OLA1: variants seen among roughly 807,000 people sequenced by gnomAD.
OLA1 encodes obg-like ATPase 1.
OLA1 carries 14 observed loss-of-function variants against 48.4 expected under a neutral mutation model. That is an observed-to-expected ratio of 0.29 (90% CI 0.19 to 0.45). The LOEUF (loss-of-function observed/expected upper bound fraction) is 0.45. Among genes scored for constraint, OLA1 ranks in the 20% least tolerant of loss-of-function variants. The pLI is 1.00. For missense variants in OLA1, 325 were observed against 467.1 expected, an observed-to-expected ratio of 0.70 and a Z score of 2.80; for synonymous variants, 127 against 150.4, an observed-to-expected ratio of 0.84 and a Z score of 1.14.
At chr2:174,216,338 G>A (rs1039737689) in intron 4 of OLA1, among the ~76,000 whole-genome samples, 4 of 151,872 alleles carry the variant, frequency 2.6e-5, no homozygotes, top group African/African-American at 9.7e-5. Flanking sequence ...ATAACATTAT[G>A]GGACCTATAC....
chr2:174,232,776 T>C (rs1489005415), intron 2 of OLA1, among the ~76,000 whole-genome samples: 6 of 152,298 alleles, frequency 3.9e-5, no homozygotes, highest in Middle Eastern at 3.4e-3. Flanking sequence ...TAAAGTGGTA[T>C]AGACGCTACG....
At chr2:174,140,686 GTACA>G (rs901320997) in intron 5 of OLA1, among the ~76,000 whole-genome samples, 3 of 152,002 alleles carry the variant, frequency 2.0e-5, no homozygotes, top group African/African-American at 7.2e-5. Flanking sequence ...CATGGGTCTA[GTACA>G]TGGTGATGGC....
At chr2:174,142,465 C>T (rs1372833982) in intron 4 of OLA1, among the ~76,000 whole-genome samples, 4 of 152,086 alleles carry the variant, frequency 2.6e-5, no homozygotes, top group Non-Finnish European at 5.9e-5. Context: ...GATAATGAAC[C>T]ACTCAGACAC....
chr2:174,107,975 C>A (rs1349134333), intron 7 of OLA1, among the ~76,000 whole-genome samples: 4 of 152,002 alleles, frequency 2.6e-5, no homozygotes, highest in Non-Finnish European at 5.9e-5. Context: ...ATAATTTACC[C>A]CTTTATTTAG....
chr2:174,147,828 A>G (rs1574509410), intron 4 of OLA1, among the ~76,000 whole-genome samples: 1 of 147,944 alleles, frequency 6.8e-6, no homozygotes. Context: ...TTGTTTGTTT[A>G]TTTATTTATT....
chr2:174,247,622 T>C (rs951409911), intron 1 of OLA1: 5 of 1,549,558 alleles, frequency 3.2e-6, no homozygotes, highest in Admixed American at 2.0e-5. Context: ...GAATCTTATC[T>C]TTCCCATTCG....
intron 7 of OLA1, among the ~76,000 whole-genome samples, chr2:174,119,858 G>A (rs1468809495): frequency 6.6e-6 from 1 of 151,862 alleles, no homozygotes; most frequent in Non-Finnish European, 1.5e-5. Context: ...TCATCACTCA[G>A]ATTAATTGAC....
intron 4 of OLA1, among the ~76,000 whole-genome samples, chr2:174,143,576 C>T (rs1474217271): frequency 6.6e-6 from 1 of 152,098 alleles, no homozygotes; most frequent in Non-Finnish European, 1.5e-5. Flanking sequence ...AAAGACTAAC[C>T]ATAGTGATGT....
intron 4 of OLA1, among the ~76,000 whole-genome samples, chr2:174,207,271 C>G (rs1039289107): frequency 3.9e-5 from 6 of 152,140 alleles, no homozygotes; most frequent in Non-Finnish European, 7.4e-5. Flanking sequence ...ACCTTCACCT[C>G]TTTTTAACCA....
intron 5 of OLA1, among the ~76,000 whole-genome samples, chr2:174,139,607 C>G (rs1351363958): frequency 1.3e-5 from 2 of 152,244 alleles, no homozygotes; most frequent in Non-Finnish European, 2.9e-5. Flanking sequence ...TGGCTCACGC[C>G]TGTAATTCCA....
intron 4 of OLA1, among the ~76,000 whole-genome samples, chr2:174,205,039 TA>T (rs1396593644): frequency 1.2e-4 from 18 of 152,208 alleles, no homozygotes; most frequent in Non-Finnish European, 2.6e-4. Context: ...AGGTCATATC[TA>T]AAACGGTGTT....
chr2:174,200,717 T>C (rs1687973119), intron 4 of OLA1, among the ~76,000 whole-genome samples: 1 of 152,198 alleles, frequency 6.6e-6, no homozygotes, highest in South Asian at 2.1e-4. Flanking sequence ...AACCAACTCA[T>C]TATTTTAACA....
chr2:174,166,715 A>G (rs1687174351), intron 4 of OLA1, among the ~76,000 whole-genome samples: 1 of 152,202 alleles, frequency 6.6e-6, no homozygotes, highest in Non-Finnish European at 1.5e-5. Flanking sequence ...TGTCTACAAA[A>G]TTTATCTAAG....
chr2:174,093,603 G>A (rs1432547126), intron 7 of OLA1, among the ~76,000 whole-genome samples: 5 of 152,194 alleles, frequency 3.3e-5, no homozygotes, highest in African/African-American at 9.6e-5. Flanking sequence ...GTACTCGGAC[G>A]TCTGAAAATC....
intron 2 of OLA1, among the ~76,000 whole-genome samples, chr2:174,239,706 C>A: frequency 1.6e-5 from 2 of 122,414 alleles, no homozygotes; most frequent in Non-Finnish European, 1.7e-5. Flanking sequence ...AGTGAGAACC[C>A]ATCTCTACAA....
intron 4 of OLA1, among the ~76,000 whole-genome samples, chr2:174,153,608 C>T (rs1474811419): frequency 1.3e-5 from 2 of 151,908 alleles, no homozygotes; most frequent in African/African-American, 2.4e-5. Flanking sequence ...ATTAGACATC[C>T]GCACCATTAA....
At chr2:174,207,144 T>A (rs1378808336) in intron 4 of OLA1, among the ~76,000 whole-genome samples, 2 of 152,206 alleles carry the variant, frequency 1.3e-5, no homozygotes, top group Non-Finnish European at 2.9e-5. Flanking sequence ...GGGGAGCAAT[T>A]AAATGAAGGC....
At chr2:174,204,480 A>G (rs1467275489) in intron 4 of OLA1, among the ~76,000 whole-genome samples, 2 of 152,234 alleles carry the variant, frequency 1.3e-5, no homozygotes, top group Non-Finnish European at 2.9e-5. Context: ...GAAGAGAAAT[A>G]TAATCTTTGA....
At chr2:174,130,059 C>G (rs1200676282) in intron 5 of OLA1, among the ~76,000 whole-genome samples, 1 of 152,124 alleles carries the variant, frequency 6.6e-6, no homozygotes, top group Non-Finnish European at 1.5e-5. Context: ...TCCACTAATA[C>G]AGCATCCTCC....
Sources: allele counts gnomAD v4.1 joint callset (sites outside exome capture counted in the v4.1 genomes callset), GRCh38; gene constraint gnomAD v4.1.1; transcripts MANE v1.5; gene names NCBI Gene and HGNC (gene_info 2026-07-23, HGNC 2026-07-21).